ELOVL6: variants seen among roughly 807,000 people sequenced by gnomAD.
ELOVL6 encodes the protein ELOVL fatty acid elongase 6.
ELOVL6 carries 8 observed loss-of-function variants against 31.7 expected under a neutral mutation model. That is an observed-to-expected ratio of 0.25 (90% CI 0.15 to 0.45). The LOEUF (loss-of-function observed/expected upper bound fraction) is 0.45. Among genes scored for constraint, ELOVL6 ranks in the 20% least tolerant of loss-of-function variants. The pLI, the probability that ELOVL6 is intolerant of heterozygous loss-of-function variation, is 1.00. For missense variants in ELOVL6, 126 were observed against 326.4 expected, an observed-to-expected ratio of 0.39 and a Z score of 4.73; for synonymous variants, 101 against 117.7, an observed-to-expected ratio of 0.86 and a Z score of 0.92.
At chr4:110,074,707 A>G (rs1427561367) in intron 2 of ELOVL6, among the ~76,000 whole-genome samples, 1 of 152,158 alleles carries the variant, frequency 6.6e-6, no homozygotes, top group Non-Finnish European at 1.5e-5. Context: ...GTGGGAGTAC[A>G]GTGTGCTGTT....
In ELOVL6 at chr4:110,105,582, C is replaced by A; in HGVS notation, c.136G>T (p.Gly46Cys). The A allele has an allele frequency of 1.2e-6, 2 of 1,613,570 alleles. No individual in the cohort carries two copies. Among genetic ancestry groups the A allele is most frequent in the Non-Finnish European group, 1.7e-6 (2 of 1,179,662 alleles). Residue 46 changes from glycine to cysteine, a missense_variant, in exon 2 of 4, where the codon GGT (glycine) becomes TGT (cysteine). Around this residue, in one of 3 missense-constraint regions of ELOVL6, gnomAD observed 53 missense variants for 193.4 expected, o/e 0.27. Transcript: ENST00000302274. ...FSALYAAFIFGGRHLMNKRAK... is the reference protein window; with the variant it reads ...FSALYAAFIFCGRHLMNKRAK... ...CGTTTATTCATTAGGTGCCGACCACCGAATATAAAGGCAGCATACAGAGCA... is the reference window on the plus strand; with the variant it reads ...CGTTTATTCATTAGGTGCCGACCACAGAATATAAAGGCAGCATACAGAGCA...
intron 1 of ELOVL6, among the ~76,000 whole-genome samples, chr4:110,139,819 A>G (rs1757904720): frequency 6.6e-6 from 1 of 152,198 alleles, no homozygotes; most frequent in South Asian, 2.1e-4. Flanking sequence ...CTAGCAAAGA[A>G]TCTCAAATTT....
At chr4:110,076,330 T>C (rs1359274695) in intron 2 of ELOVL6, among the ~76,000 whole-genome samples, 1 of 152,192 alleles carries the variant, frequency 6.6e-6, no homozygotes, top group Non-Finnish European at 1.5e-5. Context: ...TTCTCTACAA[T>C]TTACTGTATA....
chr4:110,052,199 C>A (rs1459890594), intron 3 of ELOVL6, among the ~76,000 whole-genome samples: 1 of 152,188 alleles, frequency 6.6e-6, no homozygotes, highest in East Asian at 1.9e-4. Context: ...TGTCTTAGAT[C>A]ATTTATCAAT....
intron 1 of ELOVL6, among the ~76,000 whole-genome samples, chr4:110,180,742 T>A (rs1326709833): frequency 6.6e-6 from 1 of 152,146 alleles, no homozygotes; most frequent in African/African-American, 2.4e-5. Flanking sequence ...CCAGAAATAA[T>A]AATTTAAGTG....
chr4:110,073,748 G>T (rs1755555569), intron 2 of ELOVL6, among the ~76,000 whole-genome samples: 1 of 152,200 alleles, frequency 6.6e-6, no homozygotes, highest in South Asian at 2.1e-4. Context: ...AGCCCTTGAT[G>T]CTTTAGGGCT....
At chr4:110,182,321 C>G (rs1236295863) in intron 1 of ELOVL6, among the ~76,000 whole-genome samples, 2 of 152,146 alleles carry the variant, frequency 1.3e-5, no homozygotes, top group Non-Finnish European at 2.9e-5. Flanking sequence ...ATGGCCCCTC[C>G]TCCTCAGTCT....
chr4:110,118,310 C>T (rs1757247853), intron 1 of ELOVL6, among the ~76,000 whole-genome samples: 1 of 151,976 alleles, frequency 6.6e-6, no homozygotes, highest in Non-Finnish European at 1.5e-5. Context: ...AAGACACCAC[C>T]CCCCTAACTC....
intron 2 of ELOVL6, among the ~76,000 whole-genome samples, chr4:110,092,752 A>C (rs1231072723): frequency 6.6e-6 from 1 of 152,122 alleles, no homozygotes; most frequent in East Asian, 1.9e-4. Context: ...TTCATTCCTT[A>C]AGTCTGAAGA....
chr4:110,076,849 TGACA>T (rs1026861531), intron 2 of ELOVL6, among the ~76,000 whole-genome samples: 36 of 152,138 alleles, frequency 2.4e-4, no homozygotes, highest in African/African-American at 8.7e-4. Flanking sequence ...AAGAAAGGGG[TGACA>T]GACAGCACCT....
chr4:110,149,942 T>C (rs1194967222), intron 1 of ELOVL6, among the ~76,000 whole-genome samples: 1 of 152,192 alleles, frequency 6.6e-6, no homozygotes, highest in East Asian at 1.9e-4. Context: ...AATCTTGAAT[T>C]TTTCTTCCCC....
chr4:110,083,309 A>G (rs1421067774), intron 2 of ELOVL6, among the ~76,000 whole-genome samples: 1 of 151,762 alleles, frequency 6.6e-6, no homozygotes, highest in Non-Finnish European at 1.5e-5. Context: ...ACATGAAAGA[A>G]GTCCTCTCAG....
chr4:110,142,253 G>T (rs980836454), intron 1 of ELOVL6, among the ~76,000 whole-genome samples: 3 of 151,462 alleles, frequency 2.0e-5, no homozygotes, highest in African/African-American at 7.3e-5. Flanking sequence ...TACCGTGTTA[G>T]CAAGGATGGT....
chr4:110,183,850 T>C (rs13144045), intron 1 of ELOVL6, among the ~76,000 whole-genome samples: 60,105 of 151,972 alleles, frequency 0.4, 12,091 homozygotes, highest in South Asian at 0.51. Context: ...TGCGTGGTGG[T>C]GTATGCCTGT....
chr4:110,056,866 G>A (rs77958351), intron 3 of ELOVL6, among the ~76,000 whole-genome samples: 4,377 of 152,186 alleles, frequency 0.029, 102 homozygotes, highest in Non-Finnish European at 0.045. Context: ...TACAATGTCC[G>A]CTATGAGGCT....
rs1008889877 is a variant in ELOVL6 at position 110,046,512 on chromosome 4, A to G, written c.*4826T>C. ...ACATCACTTCCTTTAAAAAGTGTCA[A>G]TCAGGAGGAAGGGAAGCCTGAGAAT... is the stretch of plus-strand genomic sequence containing the variant. On this transcript the variant is annotated 3_prime_UTR_variant, in exon 4 of 4. Transcript: ENST00000302274. The G allele has an allele frequency of 5.9e-5, 9 of 152,214 alleles. No individual in the cohort carries two copies. Among genetic ancestry groups the G allele is most frequent in the African/African-American group, 1.9e-4 (8 of 41,452 alleles). The allele number at this position is 152,214 out of a possible 1,614,324, so 9.4% of individuals were successfully genotyped here. A position where few individuals can be genotyped will look rare whatever the true frequency, so the allele number is the denominator to read the frequency against.
intron 1 of ELOVL6, among the ~76,000 whole-genome samples, chr4:110,112,984 G>T (rs573164192): frequency 6.6e-6 from 1 of 152,250 alleles, no homozygotes; most frequent in South Asian, 2.1e-4. Flanking sequence ...CAGCACTTCG[G>T]GAGGCTGAGG....
chr4:110,117,012 C>A (rs753477767), intron 1 of ELOVL6, among the ~76,000 whole-genome samples: 14 of 152,320 alleles, frequency 9.2e-5, no homozygotes, highest in Middle Eastern at 3.4e-3. Context: ...AACTGAGGAT[C>A]CCCAGAATTC....
intron 1 of ELOVL6, among the ~76,000 whole-genome samples, chr4:110,182,523 A>T (rs1759317418): frequency 6.6e-6 from 1 of 152,240 alleles, no homozygotes; most frequent in Non-Finnish European, 1.5e-5. Flanking sequence ...TAAGTACATT[A>T]TAGTTAATGC....
Sources: gnomAD v4.1 joint callset for allele counts (sites outside exome capture counted in the v4.1 genomes callset) on GRCh38, gnomAD v4.1.1 for gene constraint, gnomAD v4.1.1 regional missense constraint, MANE v1.5 for transcripts, NCBI Gene and HGNC (gene_info 2026-07-23, HGNC 2026-07-21) for gene names.